The following CPNE4 variants were observed in gnomAD, a reference collection of about 807,000 sequenced individuals.
The protein encoded by CPNE4 is copine-4.
A neutral mutation model predicts 67.9 loss-of-function variants in CPNE4; 25 were observed. The ratio of observed to expected loss-of-function variants is 0.37; its 90% confidence interval spans 0.27 to 0.51. CPNE4 has a LOEUF of 0.51. CPNE4 is among the 20% of genes least tolerant of loss of function. The pLI is 0.93. For synonymous variants in CPNE4, 242 were observed against 244.9 expected (o/e 0.99, Z 0.11); for missense variants, 464 against 690.8 (o/e 0.67, Z 3.68).
upstream of CPNE4, among the ~76,000 whole-genome samples, chr3:132,036,656 C>T (rs1262526046): frequency 1.3e-5 from 2 of 152,176 alleles, no homozygotes; most frequent in Non-Finnish European, 2.9e-5. Context: ...TTGTGCATTT[C>T]CTTGCATGTT....
intron 3 of CPNE4, among the ~76,000 whole-genome samples, chr3:131,720,787 C>A (rs1322595422): frequency 2.6e-5 from 4 of 152,180 alleles, no homozygotes; most frequent in Non-Finnish European, 5.9e-5. Flanking sequence ...TCTCACTTTT[C>A]CTCTCCACTA....
At chr3:131,561,924 A>G (rs1021660676) in intron 11 of CPNE4, among the ~76,000 whole-genome samples, 7 of 152,042 alleles carry the variant, frequency 4.6e-5, no homozygotes, top group African/African-American at 1.4e-4. Context: ...TAAAAGGAGC[A>G]TTGGAGTTTT....
intron 2 of CPNE4, among the ~76,000 whole-genome samples, chr3:131,831,375 C>T (rs1220786639): frequency 6.6e-6 from 1 of 152,064 alleles, no homozygotes; most frequent in African/African-American, 2.4e-5. Context: ...TATTTAGATG[C>T]TGTTTTTTCT....
At chr3:131,736,046 A>G (rs981266022) in intron 2 of CPNE4, among the ~76,000 whole-genome samples, 4 of 152,208 alleles carry the variant, frequency 2.6e-5, no homozygotes, top group Admixed American at 1.3e-4. Flanking sequence ...GCAGATTTCA[A>G]TATGTGCCAC....
chr3:131,765,194 A>G (rs2107821578), intron 2 of CPNE4, among the ~76,000 whole-genome samples: 1 of 152,224 alleles, frequency 6.6e-6, no homozygotes, highest in South Asian at 2.1e-4. Flanking sequence ...ACTCATAAGC[A>G]TTAGTGGAAA....
intron 1 of CPNE4, among the ~76,000 whole-genome samples, chr3:131,916,121 C>A (rs548469170): frequency 9.2e-5 from 14 of 152,110 alleles, no homozygotes; most frequent in African/African-American, 2.9e-4. Context: ...AGTTCCTGAA[C>A]GAGAGAGAAA....
intron 2 of CPNE4, among the ~76,000 whole-genome samples, chr3:131,727,684 C>T (rs1408277099): frequency 6.6e-6 from 1 of 152,032 alleles, no homozygotes; most frequent in East Asian, 1.9e-4. Flanking sequence ...GAAAACATCA[C>T]CACAATCAAG....
chr3:131,975,840 TATGAGGAAATGACATGCAAATAAGG>T (rs977715288), intron 1 of CPNE4, among the ~76,000 whole-genome samples: 1 of 152,242 alleles, frequency 6.6e-6, no homozygotes, highest in Admixed American at 6.5e-5. Context: ...TATATCAGGT[TATGAGGAAATGACATGCAAATAAGG>T]ATGACCATCA....
chr3:131,748,859 T>TA (rs757960584), intron 2 of CPNE4, among the ~76,000 whole-genome samples: 9 of 152,232 alleles, frequency 5.9e-5, no homozygotes, highest in South Asian at 4.1e-4. Context: ...TCTCTTTTTT[T>TA]ATTTCCCAGT....
intron 7 of CPNE4, among the ~76,000 whole-genome samples, chr3:131,624,036 C>T (rs971282625): frequency 6.6e-6 from 1 of 152,146 alleles, no homozygotes; most frequent in African/African-American, 2.4e-5. Context: ...AAGGGCTGAC[C>T]CTTCTCACCA....
intron 2 of CPNE4, among the ~76,000 whole-genome samples, chr3:131,784,272 A>T (rs953262579): frequency 6.6e-6 from 1 of 152,008 alleles, no homozygotes; most frequent in African/African-American, 2.4e-5. Flanking sequence ...TCTGACTATT[A>T]TAAAATTTTC....
At chr3:131,627,717 T>A (rs896423126) in intron 7 of CPNE4, among the ~76,000 whole-genome samples, 2 of 152,196 alleles carry the variant, frequency 1.3e-5, no homozygotes, top group Non-Finnish European at 2.9e-5. Context: ...TGCTCAGGGA[T>A]GACTTTGAGG....
chr3:132,037,646 G>GT, upstream of CPNE4: 1 of 1,525,104 alleles, frequency 6.6e-7, no homozygotes, highest in South Asian at 1.2e-5. Context: ...CAAAGTCACT[G>GT]TGGCCCTGGT....
chr3:131,642,662 G>A (rs569131897), intron 7 of CPNE4, among the ~76,000 whole-genome samples: 5 of 152,276 alleles, frequency 3.3e-5, no homozygotes, highest in Non-Finnish European at 7.4e-5. Context: ...CCATGCTGCT[G>A]TTCTCATAAT....
At chr3:131,594,585 TA>T (rs1397968045) in intron 7 of CPNE4, among the ~76,000 whole-genome samples, 1 of 152,114 alleles carries the variant, frequency 6.6e-6, no homozygotes, top group African/African-American at 2.4e-5. Flanking sequence ...CTTGAAACTA[TA>T]AAGCTCCTAG....
intron 3 of CPNE4, among the ~76,000 whole-genome samples, chr3:131,717,943 T>TTTC (rs1560173812): frequency 1.6e-5 from 2 of 124,934 alleles, no homozygotes; most frequent in Non-Finnish European, 3.5e-5. Context: ...TCTTTCTTTC[T>TTTC]TTTCTTTCTT....
chr3:131,922,351 T>C (rs1010976839), intron 1 of CPNE4, among the ~76,000 whole-genome samples: 1 of 152,218 alleles, frequency 6.6e-6, no homozygotes, highest in Non-Finnish European at 1.5e-5. Context: ...ATTCCATGCC[T>C]TCGCTATTGT....
chr3:132,023,219 C>T (rs2074036421), intron 1 of CPNE4, among the ~76,000 whole-genome samples: 1 of 152,160 alleles, frequency 6.6e-6, no homozygotes, highest in African/African-American at 2.4e-5. Context: ...TCTTTTTTCT[C>T]TTGCTTTAAT....
rs140242390 is a variant in CPNE4 at position 131,756,427 on chromosome 3, T to C, written c.181-32802A>G. Among the ~76,000 whole-genome samples the C allele has an allele frequency of 3.9e-3, 599 of 152,304 alleles. 6 individuals are homozygous for C. Among genetic ancestry groups the C allele is most frequent in the African/African-American group, 0.014 (568 of 41,566 alleles). Reference sequence around the variant, plus strand: ...ACTATCTAGAGCCTGAATCTGAAAATACCATTATAGGGCAGAGCTTCTCTT... The same window carrying C: ...ACTATCTAGAGCCTGAATCTGAAAACACCATTATAGGGCAGAGCTTCTCTT... On this transcript the variant is annotated intron_variant, in intron 2 of 15. Transcript: ENST00000429747.
Sources: allele counts gnomAD v4.1 joint callset (sites outside exome capture counted in the v4.1 genomes callset), GRCh38; gene constraint gnomAD v4.1.1; transcripts MANE v1.5; gene names NCBI Gene and HGNC (gene_info 2026-07-23, HGNC 2026-07-21).